The following UBE4A variants were observed in gnomAD, a reference collection of about 807,000 sequenced individuals.
UBE4A encodes the protein ubiquitination factor E4A, also known as ubiquitin conjugation factor E4 A.
In UBE4A, 48 loss-of-function variants were observed where a neutral mutation model predicts 117.9. The observed-to-expected ratio is 0.41, with a 90% CI of 0.32 to 0.52. The LOEUF (loss-of-function observed/expected upper bound fraction) is 0.52. UBE4A is among the 20% of genes least tolerant of loss of function. UBE4A has a pLI of 0.33. For missense variants in UBE4A, 1,067 were observed against 1,296.3 expected (o/e 0.82, Z 2.72); for synonymous variants, 407 against 450.0 (o/e 0.90, Z 1.21).
Position 118,384,855 on chromosome 11 carries a change from G to C in UBE4A, c.2322G>C (p.Lys774Asn), listed in dbSNP as rs782174605. The change falls in exon 15 of 20, where the codon AAG becomes AAC. Residue 774 changes from lysine (K) to asparagine (N), a missense_variant. This residue lies in a region of UBE4A where 1,001 missense variants were observed against 1,184.0 expected (regional missense o/e 0.85). Coordinates refer to ENST00000252108, the MANE Select transcript of UBE4A (RefSeq NM_001204077.2). ...AGGATTTGGCTGACTATGCCTCTAA[G>C]AATTTAGAAGCCATGAATCCCCCAC... ...SIKDLADYAS[K>N]NLEAMNPPLF... 13 of 1,603,676 alleles carry C rather than the reference G, an allele frequency of 8.1e-6. No homozygotes were observed. In the East Asian group the frequency reaches 2.7e-4, roughly 33 times the overall value.
rs373179263 is a variant in UBE4A, at chr11:118,380,716, C to G, written c.1877-675C>G. Among the ~76,000 whole-genome samples, 34 of 152,296 alleles carry G rather than the reference C, an allele frequency of 2.2e-4. No homozygotes were observed. The South Asian group carries it at 7.0e-3, about 32-fold the overall frequency. On this transcript the variant is annotated intron_variant, in intron 11 of 19. Transcript: ENST00000252108. ...TCAGGGCCTTAGGAATCTGAGGACT[C>G]TGCTAGGGCTGGAGGATCCACTTAC... is the stretch of plus-strand genomic sequence containing the variant.
Position 118,379,676 on chromosome 11 carries a change from G to A in UBE4A, c.1802G>A (p.Gly601Asp), listed in dbSNP as rs782590838. 21 of 1,614,094 alleles carry A rather than the reference G, an allele frequency of 1.3e-5. No homozygotes were observed. Among genetic ancestry groups the A allele is most frequent in the Non-Finnish European group, 1.8e-5 (21 of 1,180,046 alleles). ...GTTCTACTGGTTCAACTGGCCATAGGCAATGAGGGCTCACAGCCAATAGAG... is the reference window on the plus strand; with the variant it reads ...GTTCTACTGGTTCAACTGGCCATAGACAATGAGGGCTCACAGCCAATAGAG... The part of the protein sequence containing the change: ...MAVLLVQLAI[G>D]NEGSQPIELT... Residue 601 changes from glycine to aspartate, a missense_variant, in exon 11 of 20, where the codon GGC (glycine) becomes GAC (aspartate). Physicochemically the swap from Gly to Asp is moderately conservative, Grantham distance 94. Around this residue, in one of 3 missense-constraint regions of UBE4A, gnomAD observed 1,001 missense variants for 1,184.0 expected, o/e 0.85. Coordinates refer to ENST00000252108, the MANE Select transcript of UBE4A (RefSeq NM_001204077.2).
intron 1 of UBE4A, among the ~76,000 whole-genome samples, chr11:118,364,547 A>G (rs944974801): frequency 6.6e-6 from 1 of 152,020 alleles, no homozygotes; most frequent in African/African-American, 2.4e-5. Context: ...TACTTAATTT[A>G]TATGTAGCTG....
At chr11:118,362,356 C>T (rs1258859545) in intron 1 of UBE4A, among the ~76,000 whole-genome samples, 1 of 152,132 alleles carries the variant, frequency 6.6e-6, no homozygotes, top group Non-Finnish European at 1.5e-5. Flanking sequence ...GAACTCCTGA[C>T]CTCATGATCT....
Position 118,392,775 on chromosome 11 carries a change from A to G in UBE4A, c.2954A>G (p.Tyr985Cys). 3.1e-6 allele frequency: 5 copies of G among 1,614,134 alleles called. No homozygotes were observed. The highest frequency in any genetic ancestry group is 4.2e-6 in the Non-Finnish European group (5 of 1,180,006). Residue 985 changes from tyrosine (Y) to cysteine (C), a missense_variant, in exon 19 of 20, where the codon TAT becomes TGT. By Grantham distance (194) the Tyr-to-Cys change is radical. This residue lies in a region of UBE4A where 34 missense variants were observed against 77.7 expected (regional missense o/e 0.44). Coordinates refer to ENST00000252108, the MANE Select transcript of UBE4A (RefSeq NM_001204077.2). ...CTCCAACAACAGGAAGAGGAAACCT[A>G]TGCAGATGCCTGTGATGAGTTCCTG... ...ADLQQQEEET[Y>C]ADACDEFLDP... is the part of the protein sequence containing the mutation.
chr11:118,364,578 C>G lies in UBE4A; in HGVS notation c.-41-462C>G, dbSNP rs529009156. 1.4e-3 allele frequency among the ~76,000 whole-genome samples: 206 copies of G among 152,168 alleles called. 1 individual carries two copies. The highest frequency in any genetic ancestry group is 4.7e-3 in the African/African-American group (197 of 41,544). ...AGCTGAGAAATATCCATCCCCAGCC[C>G]TAAGTCATAGAAGTCCCTTGTCCTC... On this transcript the variant is annotated intron_variant, in intron 1 of 19. Transcript: ENST00000252108.
At position 118,373,658 on chromosome 11, in the gene UBE4A, C is replaced by G. The variant is rs769625932; in HGVS notation, c.1089C>G (p.Ile363Met). 2.5e-6 allele frequency: 4 copies of G among 1,614,028 alleles called. No individual in the cohort carries two copies. In the East Asian group the frequency reaches 8.9e-5, roughly 36 times the overall value. The change falls in exon 8 of 20, where the codon ATC (isoleucine) becomes ATG (methionine). Residue 363 changes from isoleucine to methionine, a missense_variant. Physicochemically the swap from Ile to Met is conservative, Grantham distance 10. Transcript: ENST00000252108. ...LNPSRSSPQEIKVQEANIHQF... is the reference protein window; with the variant it reads ...LNPSRSSPQEMKVQEANIHQF... ...CATCTCGTTCCAGCCCCCAGGAGAT[C>G]AAAGTACAGGAGGCCAACATCCATC...
intron 9 of UBE4A, among the ~76,000 whole-genome samples, chr11:118,376,252 A>G (rs1948651439): frequency 6.6e-6 from 1 of 152,234 alleles, no homozygotes; most frequent in Non-Finnish European, 1.5e-5. Context: ...CAGTTTTATA[A>G]TTCTAATTGT....
At chr11:118,371,257 A>G (rs1948606099) in intron 4 of UBE4A, among the ~76,000 whole-genome samples, 1 of 152,202 alleles carries the variant, frequency 6.6e-6, no homozygotes, top group Non-Finnish European at 1.5e-5. Flanking sequence ...GCACCATTCA[A>G]CAAATAGTCT....
At chr11:118,385,215 A>G (rs552388585) in intron 15 of UBE4A, among the ~76,000 whole-genome samples, 15 of 152,292 alleles carry the variant, frequency 9.8e-5, no homozygotes, top group African/African-American at 3.4e-4. Context: ...GGTGAAGCCA[A>G]ACTAAGTTGT....
chr11:118,387,743 A>G (rs1555127478), intron 16 of UBE4A, among the ~76,000 whole-genome samples: 1 of 152,220 alleles, frequency 6.6e-6, no homozygotes. Flanking sequence ...TTAAGTATCA[A>G]AATGGCTTTG....
Position 118,396,532 on chromosome 11 carries a change from T to C in UBE4A, c.*92T>C, listed in dbSNP as rs1019251544. 3.5e-6 allele frequency: 5 copies of C among 1,442,060 alleles called. No homozygotes were observed. Among genetic ancestry groups the C allele is most frequent in the Non-Finnish European group, 4.6e-6 (5 of 1,085,326 alleles). The allele number at this position is 1,442,060 out of a possible 1,614,324, so 89.3% of individuals were successfully genotyped here. ...TCTTTCTGGTTCTGTTCCTTTTCTT[T>C]CTTCTTTTCTTTTTCTTTTTTTTTT... is the stretch of plus-strand genomic sequence containing the variant. On this transcript the variant is annotated 3_prime_UTR_variant, in exon 20 of 20. Coordinates refer to ENST00000252108, the MANE Select transcript of UBE4A (RefSeq NM_001204077.2).
At chr11:118,378,832 A>G (rs1948675628) in intron 10 of UBE4A, 2 of 152,518 alleles carry the variant, frequency 1.3e-5, no homozygotes, top group South Asian at 4.1e-4. Context: ...ACTATTATCC[A>G]TAACTTTGAA....
intron 1 of UBE4A, among the ~76,000 whole-genome samples, chr11:118,364,696 A>G (rs1948548760): frequency 6.6e-6 from 1 of 152,122 alleles, no homozygotes; most frequent in Non-Finnish European, 1.5e-5. Context: ...TGTTATTACA[A>G]TTAGTAGGTG....
At position 118,398,669 on chromosome 11, in the gene UBE4A, C is replaced by T. The variant is rs1449978746; in HGVS notation, c.*2229C>T. On this transcript the variant is annotated 3_prime_UTR_variant, in exon 20 of 20. Coordinates refer to ENST00000252108, the MANE Select transcript of UBE4A (RefSeq NM_001204077.2). ...TAACATACCTAGTTTTGTGTATTGGCTTTGCTGGAGTATGATAGCAAAATG... is the reference window on the plus strand; with the variant it reads ...TAACATACCTAGTTTTGTGTATTGGTTTTGCTGGAGTATGATAGCAAAATG... The T allele has an allele frequency of 1.3e-5, 2 of 153,596 alleles. No homozygotes were observed. Among genetic ancestry groups the T allele is most frequent in the African/African-American group, 2.4e-5 (1 of 41,442 alleles). The allele number at this position is 153,596 out of a possible 1,614,324, so 9.5% of individuals were successfully genotyped here.
At chr11:118,359,941 A>G (rs1457271003) in intron 1 of UBE4A, among the ~76,000 whole-genome samples, 1 of 152,122 alleles carries the variant, frequency 6.6e-6, no homozygotes, top group African/African-American at 2.4e-5. Context: ...GAGCGCTATC[A>G]TTGCATTATC....
intron 13 of UBE4A, among the ~76,000 whole-genome samples, chr11:118,383,539 G>C (rs1170340535): frequency 7.0e-6 from 1 of 143,032 alleles, no homozygotes; most frequent in East Asian, 2.2e-4. Context: ...GTGGCAGTGA[G>C]CTGAGATCGC....
chr11:118,390,577 CT>C lies in UBE4A; in HGVS notation c.2769-78del, dbSNP rs1187456076. On this transcript the variant is annotated intron_variant, in intron 17 of 19. Transcript: ENST00000252108. ...TCATGGCTTTTAAGTGGTGAGAATGCTTGTTCTGCAGCCTACCTATTGTCTC... is the reference window on the plus strand; with the variant it reads ...TCATGGCTTTTAAGTGGTGAGAATGCTGTTCTGCAGCCTACCTATTGTCTC... 13 of 1,228,894 alleles carry C rather than the reference CT, an allele frequency of 1.1e-5. No individual in the cohort carries two copies. In the Admixed American group the frequency reaches 2.1e-4, roughly 20 times the overall value. 76.1% of individuals were successfully genotyped at this position (1,228,894 alleles called of 1,614,324 possible).
In UBE4A at chr11:118,382,788, A is replaced by G. The variant is rs1345190211; in HGVS notation, c.2197+12A>G. 1.3e-6 allele frequency: 2 copies of G among 1,558,388 alleles called. No homozygotes were observed. Among genetic ancestry groups the G allele is most frequent in the African/African-American group, 1.4e-5 (1 of 73,726 alleles). On this transcript the variant is annotated intron_variant, in intron 13 of 19. Transcript: ENST00000252108. ...CATCGAATTTACAGGTAAAGCAGTC[A>G]TGAAGCTGAGCCCAGAACTGGGAAG...
Sources: gnomAD v4.1 joint callset for allele counts (sites outside exome capture counted in the v4.1 genomes callset) on GRCh38, gnomAD v4.1.1 for gene constraint, gnomAD v4.1.1 regional missense constraint, MANE v1.5 for transcripts, NCBI Gene and HGNC (gene_info 2026-07-23, HGNC 2026-07-21) for gene names.